The following TNR variants were observed in gnomAD, a reference collection of about 807,000 sequenced individuals.
TNR encodes the protein tenascin R, also known as tenascin-R.
Under a neutral mutation model 150.4 loss-of-function variants are expected in TNR, and 45 were observed. That is an observed-to-expected ratio of 0.30 (90% CI 0.24 to 0.38). The LOEUF is 0.38. Among genes scored for constraint, TNR ranks in the 10% least tolerant of loss-of-function variants. The probability of loss-of-function intolerance (pLI) is 1.00; values close to 1 mark genes in which losing one functional copy is unlikely to be tolerated. For missense variants in TNR, 1,544 were observed against 1,759.1 expected (o/e 0.88, Z 2.19); for synonymous variants, 687 against 678.4 (o/e 1.01, Z -0.20).
Position 175,585,304 on chromosome 1 carries a change from C to A in TNR, c.-164-56935G>T, listed in dbSNP as rs144575812. On this transcript the variant is annotated intron_variant, in intron 1 of 22. Coordinates refer to ENST00000367674, the MANE Select transcript of TNR (RefSeq NM_003285.3). ...GAATGCAACTACTCAAACTTAAGCA[C>A]AAAACTATATGAACTATCATTTGCT... Among the ~76,000 whole-genome samples the A allele has an allele frequency of 6.1e-3, 921 of 152,222 alleles. 4 individuals are homozygous for A. Among genetic ancestry groups the A allele is most frequent in the African/African-American group, 0.021 (879 of 41,522 alleles).
chr1:175,552,735 T>C (rs1571597520), intron 1 of TNR, among the ~76,000 whole-genome samples: 1 of 152,376 alleles, frequency 6.6e-6, no homozygotes, highest in East Asian at 1.9e-4. Context: ...CTCCCCTGTC[T>C]GTCCACCACA....
At chr1:175,430,353 C>G (rs757360240) in intron 2 of TNR, among the ~76,000 whole-genome samples, 2 of 152,154 alleles carry the variant, frequency 1.3e-5, no homozygotes, top group Non-Finnish European at 2.9e-5. Flanking sequence ...TTAACTCCTT[C>G]AGTAGGAATT....
chr1:175,709,223 G>A (rs1319989988), intron 1 of TNR, among the ~76,000 whole-genome samples: 3 of 151,998 alleles, frequency 2.0e-5, no homozygotes, highest in African/African-American at 7.3e-5. Flanking sequence ...CACAATGTGT[G>A]GAATGTGACG....
At chr1:175,586,276 T>C (rs1056031103) in intron 1 of TNR, among the ~76,000 whole-genome samples, 4 of 152,174 alleles carry the variant, frequency 2.6e-5, no homozygotes, top group Non-Finnish European at 5.9e-5. Context: ...GCTCCAAACA[T>C]AGCTTTAGTT....
rs536622586 is a variant in TNR at position 175,338,939 on chromosome 1, C to T, written c.3383-1260G>A. On this transcript the variant is annotated intron_variant, in intron 18 of 22. Transcript: ENST00000367674. ...GCCCTTCAACTTGCTGCCACACACCCGTCGAGGGCGCACTGGCCTAACGTA... is the reference window on the plus strand; with the variant it reads ...GCCCTTCAACTTGCTGCCACACACCTGTCGAGGGCGCACTGGCCTAACGTA... Among the ~76,000 whole-genome samples the T allele has an allele frequency of 1.1e-4, 17 of 152,346 alleles. No individual in the cohort carries two copies. In the East Asian group the frequency reaches 2.5e-3, roughly 22 times the overall value.
intron 1 of TNR, among the ~76,000 whole-genome samples, chr1:175,715,430 G>T (rs960097331): frequency 3.3e-5 from 5 of 152,146 alleles, no homozygotes; most frequent in Non-Finnish European, 7.3e-5. Context: ...AGGGTTGATT[G>T]TCCACACTAG....
chr1:175,481,575 T>C (rs906468740), intron 2 of TNR, among the ~76,000 whole-genome samples: 1 of 152,118 alleles, frequency 6.6e-6, no homozygotes, highest in African/African-American at 2.4e-5. Context: ...CACAGTAGAA[T>C]GAGACACAGC....
intron 18 of TNR, among the ~76,000 whole-genome samples, chr1:175,351,592 CT>C (rs559577344): frequency 1.3e-3 from 204 of 152,326 alleles, no homozygotes; most frequent in African/African-American, 4.7e-3. Context: ...TCTATTATGT[CT>C]GGTATGTGCC....
chr1:175,542,663 T>C (rs1182510973), intron 1 of TNR, among the ~76,000 whole-genome samples: 1 of 152,222 alleles, frequency 6.6e-6, no homozygotes, highest in Admixed American at 6.5e-5. Flanking sequence ...TTTTTCATAA[T>C]TAAAAATGCT....
chr1:175,426,771 A>ATATAT (rs67513172), intron 2 of TNR, among the ~76,000 whole-genome samples: 1 of 132,492 alleles, frequency 7.5e-6, no homozygotes. Context: ...TGTGTGTATA[A>ATATAT]ATATATATAC....
At chr1:175,659,688 T>C (rs2101895743) in intron 1 of TNR, among the ~76,000 whole-genome samples, 1 of 152,284 alleles carries the variant, frequency 6.6e-6, no homozygotes, top group African/African-American at 2.4e-5. Context: ...GAATGGTCCC[T>C]GTCCTGCCTT....
chr1:175,556,938 T>G (rs75243050), intron 1 of TNR: 1 of 152,208 alleles, frequency 6.6e-6, no homozygotes, highest in Non-Finnish European at 1.5e-5. Context: ...GATTATGTTG[T>G]GTACAATTGT....
intron 2 of TNR, among the ~76,000 whole-genome samples, chr1:175,502,101 C>A (rs936843047): frequency 6.6e-6 from 1 of 152,144 alleles, no homozygotes; most frequent in Non-Finnish European, 1.5e-5. Context: ...ACATTGGAAT[C>A]ACTGGGGAAG....
At chr1:175,451,721 C>T (rs969456668) in intron 2 of TNR, among the ~76,000 whole-genome samples, 6 of 152,222 alleles carry the variant, frequency 3.9e-5, no homozygotes, top group African/African-American at 1.4e-4. Flanking sequence ...GAGCTATCTG[C>T]TCCCAGCTTG....
chr1:175,444,918 G>A (rs1426451497), intron 2 of TNR, among the ~76,000 whole-genome samples: 1 of 152,224 alleles, frequency 6.6e-6, no homozygotes, highest in Non-Finnish European at 1.5e-5. Flanking sequence ...AGTGGGGAGC[G>A]AATCTGACGC....
Position 175,404,434 on chromosome 1 carries a change from G to C in TNR, c.500-818C>G, listed in dbSNP as rs986995667. ...TGCTATGACCCCTCTGGGATTCTAC[G>C]CATGTCTCTGTCCTAGACCTTACTG... On this transcript the variant is annotated intron_variant, in intron 3 of 22. Coordinates refer to ENST00000367674, the MANE Select transcript of TNR (RefSeq NM_003285.3). Among the ~76,000 whole-genome samples, 12 of 152,126 alleles carry C rather than the reference G, an allele frequency of 7.9e-5. 1 individual carries two copies. The South Asian group carries it at 1.9e-3, about 24-fold the overall frequency.
intron 2 of TNR, among the ~76,000 whole-genome samples, chr1:175,452,880 G>A (rs1198604681): frequency 6.6e-6 from 1 of 152,146 alleles, no homozygotes; most frequent in African/African-American, 2.4e-5. Flanking sequence ...TCTTAAAAAG[G>A]AAGGAGATTC....
intron 1 of TNR, among the ~76,000 whole-genome samples, chr1:175,533,954 G>A (rs960763861): frequency 1.6e-4 from 25 of 152,178 alleles, no homozygotes; most frequent in African/African-American, 4.6e-4. Flanking sequence ...TTAACACCCC[G>A]CTCCTCCTCC....
intron 1 of TNR, among the ~76,000 whole-genome samples, chr1:175,574,121 C>T (rs1662003511): frequency 6.6e-6 from 1 of 152,118 alleles, no homozygotes; most frequent in Admixed American, 6.5e-5. Context: ...TCCCAACTTC[C>T]TCTGTCAGGG....
Sources: allele counts gnomAD v4.1 joint callset (sites outside exome capture counted in the v4.1 genomes callset), GRCh38; gene constraint gnomAD v4.1.1; transcripts MANE v1.5; gene names NCBI Gene and HGNC (gene_info 2026-07-23, HGNC 2026-07-21).